Variants in SYT16 observed in about 807,000 individuals in gnomAD.
SYT16 encodes the protein synaptotagmin 16.
In SYT16, 42 loss-of-function variants were observed where a neutral mutation model predicts 61.4. The ratio of observed to expected loss-of-function variants is 0.68; its 90% CI spans 0.53 to 0.89. The LOEUF is 0.89. SYT16 is among the 40% of genes least tolerant of loss of function. The probability of loss-of-function intolerance (pLI) is 0.00; values close to 1 mark genes in which losing one functional copy is unlikely to be tolerated. For missense variants in SYT16, 804 were observed against 807.3 expected, an observed-to-expected ratio of 1.00 and a Z score of 0.05; for synonymous variants, 314 against 302.3, an observed-to-expected ratio of 1.04 and a Z score of -0.40.
intron 1 of SYT16, among the ~76,000 whole-genome samples, chr14:61,961,886 A>G (rs1229415376): frequency 6.6e-6 from 1 of 152,188 alleles, no homozygotes; most frequent in African/African-American, 2.4e-5. Context: ...TCAATGGTAG[A>G]CTTGATAAAG....
chr14:62,029,771 G>A (rs1215238606), intron 3 of SYT16, among the ~76,000 whole-genome samples: 1 of 146,368 alleles, frequency 6.8e-6, no homozygotes, highest in Non-Finnish European at 1.5e-5. Context: ...TTTGATGTTA[G>A]TCTAGTTGGA....
At chr14:62,022,442 T>TGAA (rs1243517118) in intron 3 of SYT16, among the ~76,000 whole-genome samples, 1 of 152,178 alleles carries the variant, frequency 6.6e-6, no homozygotes, top group East Asian at 1.9e-4. Context: ...TGGCTGTTTC[T>TGAA]GCGAGTTCTC....
At chr14:61,917,946 C>T (rs1011411971) in intron 1 of SYT16, among the ~76,000 whole-genome samples, 1 of 152,036 alleles carries the variant, frequency 6.6e-6, no homozygotes, top group Non-Finnish European at 1.5e-5. Context: ...ATTTTAAATG[C>T]TTTCGTGCAT....
intron 1 of SYT16, among the ~76,000 whole-genome samples, chr14:61,813,242 G>A (rs1488205426): frequency 1.3e-5 from 2 of 152,252 alleles, no homozygotes; most frequent in Non-Finnish European, 2.9e-5. Flanking sequence ...GCATGGCTCG[G>A]CTGCCCGGTG....
In SYT16 at chr14:61,817,375, G is replaced by A. The variant is rs563203543; in HGVS notation, c.-325+4565G>A. ...AGAGGTTGCAGTGAGCTGAGATCACGCCATTGCACTGCAGCCTGGGCAACA... is the reference window on the plus strand; with the variant it reads ...AGAGGTTGCAGTGAGCTGAGATCACACCATTGCACTGCAGCCTGGGCAACA... On this transcript the variant is annotated intron_variant, in intron 1 of 7. Transcript: ENST00000683842. Among the ~76,000 whole-genome samples the A allele has an allele frequency of 2.7e-4, 40 of 148,826 alleles. 1 individual carries two copies. In the South Asian group the frequency reaches 7.5e-3, roughly 28 times the overall value.
intron 1 of SYT16, among the ~76,000 whole-genome samples, chr14:61,966,565 A>C (rs2051323876): frequency 6.6e-6 from 1 of 152,224 alleles, no homozygotes; most frequent in Non-Finnish European, 1.5e-5. Flanking sequence ...CATGTAGATA[A>C]AGTGACTGAA....
chr14:61,818,665 G>C (rs112001220), intron 1 of SYT16, among the ~76,000 whole-genome samples: 4,094 of 144,018 alleles, frequency 0.028, 131 homozygotes, highest in African/African-American at 0.078. Flanking sequence ...GAGACACAGT[G>C]AGACTCTGTC....
At chr14:62,021,101 T>A (rs941396804) in intron 3 of SYT16, among the ~76,000 whole-genome samples, 1 of 152,216 alleles carries the variant, frequency 6.6e-6, no homozygotes, top group African/African-American at 2.4e-5. Context: ...CTTTTTGTGA[T>A]GTTCTGTAAA....
intron 4 of SYT16, among the ~76,000 whole-genome samples, chr14:62,072,300 A>G (rs534460964): frequency 2.0e-5 from 3 of 152,304 alleles, no homozygotes; most frequent in South Asian, 2.1e-4. Flanking sequence ...CCATGGTTCA[A>G]TTGGAGAACT....
intron 3 of SYT16, among the ~76,000 whole-genome samples, chr14:61,999,466 G>C (rs2052904577): frequency 6.6e-6 from 1 of 151,594 alleles, no homozygotes; most frequent in Non-Finnish European, 1.5e-5. Flanking sequence ...TTTATTTCCT[G>C]ATATTGGTAC....
chr14:62,064,334 GAAAAAAAAAA>G (rs781727444), intron 3 of SYT16, among the ~76,000 whole-genome samples: 13 of 42,994 alleles, frequency 3.0e-4, no homozygotes, highest in East Asian at 2.2e-3. Flanking sequence ...CTTTAAATTT[GAAAAAAAAAA>G]AAAAAAAAAA....
chr14:61,814,636 T>C (rs1019598348), intron 1 of SYT16, among the ~76,000 whole-genome samples: 1 of 152,236 alleles, frequency 6.6e-6, no homozygotes, highest in Non-Finnish European at 1.5e-5. Flanking sequence ...AAAATTATGA[T>C]GATATCTGAC....
intron 3 of SYT16, among the ~76,000 whole-genome samples, chr14:61,999,088 G>A (rs926306621): frequency 2.6e-5 from 4 of 151,450 alleles, no homozygotes; most frequent in Non-Finnish European, 4.4e-5. Context: ...TTTTTTTAGG[G>A]ATATTGGTCT....
chr14:61,933,230 C>CG (rs771267752), intron 1 of SYT16, among the ~76,000 whole-genome samples: 1 of 152,078 alleles, frequency 6.6e-6, no homozygotes, highest in African/African-American at 2.4e-5. Context: ...AGATGAGAGC[C>CG]GGGAGGAGGG....
intron 1 of SYT16, among the ~76,000 whole-genome samples, chr14:61,917,391 C>T (rs577877547): frequency 1.3e-5 from 2 of 152,098 alleles, no homozygotes; most frequent in African/African-American, 4.8e-5. Flanking sequence ...GGTTCACGGA[C>T]AAGTAAATAA....
rs560192877 is a variant in SYT16 at position 61,824,049 on chromosome 14, A to G, written c.-325+11239A>G. On this transcript the variant is annotated intron_variant, in intron 1 of 7. Transcript: ENST00000683842. ...CAAACATTTTTATTTTATTGGAGAA[A>G]ATTGGTCTATATAAAATGAATATAA... is the stretch of plus-strand genomic sequence containing the variant. Among the ~76,000 whole-genome samples the G allele has an allele frequency of 3.3e-5, 5 of 152,288 alleles. No individual in the cohort carries two copies. The East Asian group carries it at 7.7e-4, about 23-fold the overall frequency.
At chr14:61,978,598 T>G (rs1274990112) in intron 2 of SYT16, among the ~76,000 whole-genome samples, 3 of 152,326 alleles carry the variant, frequency 2.0e-5, no homozygotes, top group Admixed American at 6.5e-5. Context: ...GCCAGGTGAT[T>G]TAAAGGTGTG....
At chr14:62,035,916 G>A (rs1345611297) in intron 3 of SYT16, among the ~76,000 whole-genome samples, 1 of 152,116 alleles carries the variant, frequency 6.6e-6, no homozygotes, top group East Asian at 1.9e-4. Context: ...ATTAATTACT[G>A]CCTTCATTCA....
chr14:61,923,765 T>A (rs1301857356), intron 1 of SYT16, among the ~76,000 whole-genome samples: 1 of 152,124 alleles, frequency 6.6e-6, no homozygotes, highest in African/African-American at 2.4e-5. Context: ...ATCTAGTATT[T>A]GGTTTTTTAA....
Sources: gnomAD v4.1 joint callset for allele counts (sites outside exome capture counted in the v4.1 genomes callset) on GRCh38, gnomAD v4.1.1 for gene constraint, MANE v1.5 for transcripts, NCBI Gene and HGNC (gene_info 2026-07-23, HGNC 2026-07-21) for gene names.